The following PA2G4 variants were observed in gnomAD, a reference collection of about 807,000 sequenced individuals.
PA2G4 encodes the protein proliferation-associated protein 2G4.
A neutral mutation model predicts 53.3 loss-of-function variants in PA2G4; 8 were observed. The observed-to-expected ratio is 0.15, with a 90% confidence interval of 0.09 to 0.27. The LOEUF (loss-of-function observed/expected upper bound fraction) is 0.27, where lower values mean the gene tolerates loss of function less well. Among genes scored for constraint, PA2G4 ranks in the 10% least tolerant of loss-of-function variants. The pLI, the probability that PA2G4 is intolerant of heterozygous loss-of-function variation, is 1.00. For synonymous variants in PA2G4, 143 were observed against 169.8 expected, an observed-to-expected ratio of 0.84 and a Z score of 1.23; for missense variants, 208 against 486.8, an observed-to-expected ratio of 0.43 and a Z score of 5.39.
intron 4 of PA2G4, 34 bp from the exon 5 acceptor site, chr12:56,107,487 C>T (rs1405982315): frequency 2.7e-6 from 4 of 1,501,374 alleles, no homozygotes; most frequent in Non-Finnish European, 3.7e-6. Flanking sequence ...ACAGACTTTC[C>T]AGGAAGATAC....
chr12:56,107,330 A>C (rs1252051663), intron 4 of PA2G4, 74 bp downstream of exon 4: 1 of 1,178,422 alleles, frequency 8.5e-7, no homozygotes, highest in Admixed American at 1.7e-5. Context: ...TCTTATCCCC[A>C]CCCCCAATCA....
chr12:56,108,735 G>A (rs1203476053), intron 5 of PA2G4, among the ~76,000 whole-genome samples: 18 of 152,128 alleles, frequency 1.2e-4, no homozygotes, highest in Admixed American at 7.2e-4. Context: ...GCAAGTTGGG[G>A]AGCATCTGTA....
Position 56,113,833 on chromosome 12 carries a change from C to T in PA2G4, c.*945C>T, listed in dbSNP as rs369667645. On this transcript the variant is annotated 3_prime_UTR_variant, in exon 13 of 13. Transcript: ENST00000303305. The stretch of plus-strand genomic sequence containing the variant: ...GGCATGCTGTCCCAGGAAACTAGGG[C>T]TCCCACTAACTTATGAGGTTTTTAA... The T allele has an allele frequency of 1.4e-6, 1 of 702,066 alleles. No homozygotes were observed. Among genetic ancestry groups the T allele is most frequent in the African/African-American group, 1.7e-5 (1 of 57,330 alleles). The allele number at this position is 702,066 out of a possible 1,614,324, so 43.5% of individuals were successfully genotyped here.
In PA2G4 at chr12:56,112,995, G is replaced by A. The variant is rs530012784; in HGVS notation, c.*107G>A. ...CTCCACCTAGGACCGCCAGCAGAGC[G>A]GGGGGATCTCCCTGCCCCCACCCCA... On this transcript the variant is annotated 3_prime_UTR_variant, in exon 13 of 13. Transcript: ENST00000303305. The A allele has an allele frequency of 4.2e-4, 289 of 690,724 alleles. 4 individuals are homozygous for A. In the South Asian group the frequency reaches 5.0e-3, roughly 12 times the overall value. 42.8% of individuals were successfully genotyped at this position (690,724 alleles called of 1,614,324 possible). A position where few individuals can be genotyped will look rare whatever the true frequency, so the allele number is the denominator to read the frequency against.
rs551324670 is a variant in PA2G4 at position 56,109,254 on chromosome 12, A to G, written c.511A>G (p.Asn171Asp). Reference protein sequence around the residue: ...NQNTQVTEAWNKVAHSFNCTP... With the variant: ...NQNTQVTEAWDKVAHSFNCTP... Reference sequence around the variant, plus strand: ...GAACACACAAGTGACAGAAGCCTGGAACAAAGTTGCCCACTCATTTAACTG... The same window carrying G: ...GAACACACAAGTGACAGAAGCCTGGGACAAAGTTGCCCACTCATTTAACTG... Residue 171 changes from asparagine to aspartate, a missense_variant, in exon 6 of 13, where the codon AAC becomes GAC. Asn to Asp is a conservative substitution (Grantham distance 23). Coordinates refer to ENST00000303305, the MANE Select transcript of PA2G4 (RefSeq NM_006191.3). The G allele has an allele frequency of 6.2e-7, 1 of 1,612,396 alleles. No individual in the cohort carries two copies. Among genetic ancestry groups the G allele is most frequent in the African/African-American group, 1.3e-5 (1 of 74,992 alleles).
rs770222851 is a variant in PA2G4, at chr12:56,111,178, A to G, written c.938-4A>G. The G allele has an allele frequency of 3.7e-6, 6 of 1,614,224 alleles. No homozygotes were observed. The highest frequency in any genetic ancestry group is 5.1e-6 in the Non-Finnish European group (6 of 1,180,020). On this transcript the variant is annotated splice_region_variant and splice_polypyrimidine_tract_variant and intron_variant, in intron 10 of 12. Transcript: ENST00000303305. ...ATCAAAACACATCTTCATTTTTGCC[A>G]TAGGTGAATTTGTTGCCCAGTTTAA...
Position 56,111,533 on chromosome 12 carries a change from T to C in PA2G4, c.1119+4T>C, listed in dbSNP as rs1336087152. The C allele has an allele frequency of 6.2e-7, 1 of 1,612,378 alleles. No homozygotes were observed. Among genetic ancestry groups the C allele is most frequent in the East Asian group, 2.2e-5 (1 of 44,854 alleles). ...CCAGAAAAAGAAAAAAAAGAAGGTG[T>C]GTTATTAACGATCATTCCTCTCTGG... On this transcript the variant is annotated splice_donor_region_variant and intron_variant, in intron 12 of 12. Coordinates refer to ENST00000303305, the MANE Select transcript of PA2G4 (RefSeq NM_006191.3).
At position 56,113,824 on chromosome 12, in the gene PA2G4, A is replaced by C. The variant is rs1195759987; in HGVS notation, c.*936A>C. On this transcript the variant is annotated 3_prime_UTR_variant, in exon 13 of 13. Transcript: ENST00000303305. ...AGTACCTCTGGCATGCTGTCCCAGGAAACTAGGGCTCCCACTAACTTATGA... is the reference window on the plus strand; with the variant it reads ...AGTACCTCTGGCATGCTGTCCCAGGCAACTAGGGCTCCCACTAACTTATGA... 2 of 702,040 alleles carry C rather than the reference A, an allele frequency of 2.8e-6. No individual in the cohort carries two copies. The highest frequency in any genetic ancestry group is 2.6e-6 in the Non-Finnish European group (1 of 384,740). 43.5% of individuals were successfully genotyped at this position (702,040 alleles called of 1,614,324 possible). A position where few individuals can be genotyped will look rare whatever the true frequency, so the allele number is the denominator to read the frequency against.
At chr12:56,110,846 A>C (rs1054351310) in intron 9 of PA2G4, 118 bp from the exon 10 acceptor site, 5 of 1,329,288 alleles carry the variant, frequency 3.8e-6, no homozygotes, top group South Asian at 3.8e-5. Flanking sequence ...AGGTAATGTA[A>C]AAGAGCAATC....
chr12:56,111,268 C>T lies in PA2G4; in HGVS notation c.1024C>T (p.Leu342Phe). 6.2e-7 allele frequency: 1 copy of T among 1,614,180 alleles called. No individual in the cohort carries two copies. The highest frequency in any genetic ancestry group is 8.5e-7 in the Non-Finnish European group (1 of 1,180,022). Residue 342 changes from leucine to phenylalanine, a missense_variant, in exon 11 of 13, where the codon CTC becomes TTC. Physicochemically the swap from Leu to Phe is conservative, Grantham distance 22. Coordinates refer to ENST00000303305, the MANE Select transcript of PA2G4 (RefSeq NM_006191.3). ...AACCAGTGGTCCCTTCGAGCCTGAC[C>T]TCTACAAGTCTGAGATGGAGGTCCA... ...RITSGPFEPD[L>F]YKSEMEVQDA...
Position 56,113,820 on chromosome 12 carries a change from C to T in PA2G4, c.*932C>T. 1 of 701,870 alleles carries T rather than the reference C, an allele frequency of 1.4e-6. No individual in the cohort carries two copies. Among genetic ancestry groups the T allele is most frequent in the Non-Finnish European group, 2.6e-6 (1 of 384,666 alleles). The allele number at this position is 701,870 out of a possible 1,614,324, so 43.5% of individuals were successfully genotyped here. ...TTTCAGTACCTCTGGCATGCTGTCC[C>T]AGGAAACTAGGGCTCCCACTAACTT... On this transcript the variant is annotated 3_prime_UTR_variant, in exon 13 of 13. Coordinates refer to ENST00000303305, the MANE Select transcript of PA2G4 (RefSeq NM_006191.3).
intron 2 of PA2G4, 69 bp from the exon 3 acceptor site, chr12:56,106,921 A>G (rs1007470624): frequency 3.7e-5 from 50 of 1,368,656 alleles, no homozygotes; most frequent in Non-Finnish European, 5.0e-5. Context: ...AAATCCTTCT[A>G]CATTTCTGAA....
chr12:56,104,705 G>A lies in PA2G4; in HGVS notation c.-33G>A. ...GGAGACAGAGGCGGCGGCGGCTCAG[G>A]GGAAACGAGGCTGCAGTGGTGGTAG... On this transcript the variant is annotated 5_prime_UTR_variant, in exon 1 of 13. Coordinates refer to ENST00000303305, the MANE Select transcript of PA2G4 (RefSeq NM_006191.3). The A allele has an allele frequency of 1.3e-6, 2 of 1,596,202 alleles. No individual in the cohort carries two copies. The highest frequency in any genetic ancestry group is 1.7e-6 in the Non-Finnish European group (2 of 1,163,904).
intron 4 of PA2G4, 121 bp from the exon 5 acceptor site, chr12:56,107,400 T>G: frequency 1.0e-6 from 1 of 999,172 alleles, no homozygotes. Context: ...GTTGTTGTTG[T>G]TGTTTTTACC....
rs1473511666 is a variant in PA2G4, at chr12:56,104,600, G to A, written c.-138G>A. ...GCTTCTCGCTCTCGCCTGCCTGCCC[G>A]CTCCCTTGCTTGCTCGCGCTTTCGC... On this transcript the variant is annotated 5_prime_UTR_variant, in exon 1 of 13. Transcript: ENST00000303305. 8.0e-6 allele frequency: 7 copies of A among 874,694 alleles called. No homozygotes were observed. The highest frequency in any genetic ancestry group is 2.6e-5 in the South Asian group (2 of 75,490). 54.2% of individuals were successfully genotyped at this position (874,694 alleles called of 1,614,324 possible). A position where few individuals can be genotyped will look rare whatever the true frequency, so the allele number is the denominator to read the frequency against.
Position 56,113,863 on chromosome 12 carries a change from A to C in PA2G4, c.*975A>C. ...ACTAACTTATGAGGTTTTTAAACAC[A>C]TTGAAAATGACATGACATTAAAATA... On this transcript the variant is annotated 3_prime_UTR_variant, in exon 13 of 13. Transcript: ENST00000303305. 1 of 702,350 alleles carries C rather than the reference A, an allele frequency of 1.4e-6. No homozygotes were observed. Among genetic ancestry groups the C allele is most frequent in the Non-Finnish European group, 2.6e-6 (1 of 384,820 alleles). The allele number at this position is 702,350 out of a possible 1,614,324, so 43.5% of individuals were successfully genotyped here. A position where few individuals can be genotyped will look rare whatever the true frequency, so the allele number is the denominator to read the frequency against.
chr12:56,109,171 A>G, intron 5 of PA2G4, 59 bp from the exon 6 acceptor site: 2 of 1,104,608 alleles, frequency 1.8e-6, no homozygotes, highest in East Asian at 2.5e-5. Flanking sequence ...TCTTATTCTC[A>G]TTGTAGAGAA....
At position 56,112,976 on chromosome 12, in the gene PA2G4, C is replaced by A. The variant is rs914876936; in HGVS notation, c.*88C>A. 6 of 847,202 alleles carry A rather than the reference C, an allele frequency of 7.1e-6. No homozygotes were observed. The highest frequency in any genetic ancestry group is 1.1e-5 in the Non-Finnish European group (6 of 558,690). The allele number at this position is 847,202 out of a possible 1,614,324, so 52.5% of individuals were successfully genotyped here. On this transcript the variant is annotated 3_prime_UTR_variant, in exon 13 of 13. Transcript: ENST00000303305. ...TCTGTGAAGTGCAGTTCTTCTCCAC[C>A]TAGGACCGCCAGCAGAGCGGGGGGA...
At chr12:56,109,474 G>A (rs891010038) in intron 6 of PA2G4, among the ~76,000 whole-genome samples, 181 bp downstream of exon 6, 5 of 151,966 alleles carry the variant, frequency 3.3e-5, no homozygotes, top group Non-Finnish European at 7.4e-5. Flanking sequence ...ATAAAAATTA[G>A]CTGGGCGTGG....
Sources: gnomAD v4.1 joint callset for allele counts (sites outside exome capture counted in the v4.1 genomes callset) on GRCh38, gnomAD v4.1.1 for gene constraint, MANE v1.5 for transcripts, NCBI Gene and HGNC (gene_info 2026-07-23, HGNC 2026-07-21) for gene names.